Variants in SERPINI1 observed in about 807,000 individuals in gnomAD.
The protein encoded by SERPINI1 is serpin family I member 1.
A neutral mutation model predicts 41.1 loss-of-function variants in SERPINI1; 19 were observed. That is an observed-to-expected ratio of 0.46 (90% confidence interval 0.32 to 0.68). SERPINI1 has a LOEUF of 0.68. SERPINI1 is among the 30% of genes least tolerant of loss of function. The probability of loss-of-function intolerance (pLI) is 0.03; values close to 1 mark genes in which losing one functional copy is unlikely to be tolerated. For synonymous variants in SERPINI1, 138 were observed against 156.6 expected, an observed-to-expected ratio of 0.88 and a Z score of 0.89; for missense variants, 460 against 479.2, an observed-to-expected ratio of 0.96 and a Z score of 0.37.
chr3:167,760,726 GTCCTT>G (rs1726350385), intron 1 of SERPINI1, among the ~76,000 whole-genome samples: 1 of 152,078 alleles, frequency 6.6e-6, no homozygotes, highest in South Asian at 2.1e-4. Context: ...ACCTGAACTT[GTCCTT>G]TCCTTCATTG....
chr3:167,768,588 T>C (rs571003206), intron 1 of SERPINI1, among the ~76,000 whole-genome samples: 64 of 152,226 alleles, frequency 4.2e-4, no homozygotes, highest in Non-Finnish European at 7.9e-4. Context: ...ACTATAGCAA[T>C]ATAGCTAGCT....
chr3:167,762,724 C>A (rs1042610318), intron 1 of SERPINI1, among the ~76,000 whole-genome samples: 1 of 152,060 alleles, frequency 6.6e-6, no homozygotes. Flanking sequence ...TTTAAAATTG[C>A]GATACTCCCT....
chr3:167,794,913 C>T (rs886354133), intron 5 of SERPINI1, 89 bp downstream of exon 5: 29 of 970,366 alleles, frequency 3.0e-5, no homozygotes, highest in African/African-American at 6.4e-5. Context: ...GAACTGCTTT[C>T]GAATTATAAT....
At chr3:167,737,603 A>G (rs184673046) in intron 1 of SERPINI1, among the ~76,000 whole-genome samples, 83 of 152,222 alleles carry the variant, frequency 5.5e-4, no homozygotes, top group African/African-American at 1.9e-3. Context: ...CTACTAATTC[A>G]TTTTGTAAAA....
chr3:167,752,208 C>T (rs762700657), intron 1 of SERPINI1, among the ~76,000 whole-genome samples: 16 of 152,154 alleles, frequency 1.1e-4, no homozygotes, highest in Non-Finnish European at 1.8e-4. Context: ...TCCAAATGTG[C>T]TCATAACTCC....
intron 6 of SERPINI1, among the ~76,000 whole-genome samples, chr3:167,817,276 G>A (rs1449066089): frequency 1.3e-5 from 2 of 152,064 alleles, no homozygotes; most frequent in South Asian, 2.1e-4. Context: ...TTATCTTCAC[G>A]CTAATAGGTG....
intron 6 of SERPINI1, among the ~76,000 whole-genome samples, chr3:167,807,692 T>A (rs1711697120): frequency 6.6e-6 from 1 of 152,000 alleles, no homozygotes; most frequent in Non-Finnish European, 1.5e-5. Context: ...TTGTAGTAAA[T>A]CATGTAAGAA....
At chr3:167,739,734 C>CA (rs959140989) in intron 1 of SERPINI1, among the ~76,000 whole-genome samples, 102 of 146,418 alleles carry the variant, frequency 7.0e-4, no homozygotes, top group East Asian at 3.9e-3. Context: ...TTATTTCTTC[C>CA]AAAAAAAAAA....
At chr3:167,807,428 T>C (rs371916299) in intron 6 of SERPINI1, 87 bp downstream of exon 6, 224 of 888,982 alleles carry the variant, frequency 2.5e-4, no homozygotes, top group East Asian at 1.2e-3. Context: ...TACTATGGAG[T>C]TCTGGGGTAA....
At chr3:167,824,239 T>C (rs1712441514) in intron 7 of SERPINI1, among the ~76,000 whole-genome samples, 1 of 119,246 alleles carries the variant, frequency 8.4e-6, no homozygotes, top group Non-Finnish European at 1.8e-5. Context: ...AAGGAAGAAA[T>C]TGTTTGTTTG....
intron 1 of SERPINI1, among the ~76,000 whole-genome samples, chr3:167,778,718 A>G (rs1341495952): frequency 6.6e-6 from 1 of 152,242 alleles, no homozygotes; most frequent in Non-Finnish European, 1.5e-5. Context: ...AGCAAGCTAG[A>G]GAACAATGGC....
intron 6 of SERPINI1, among the ~76,000 whole-genome samples, chr3:167,812,379 T>C (rs935844723): frequency 2.6e-5 from 4 of 152,178 alleles, no homozygotes; most frequent in African/African-American, 9.7e-5. Context: ...ATACTCACTC[T>C]GTGTCTCACC....
In SERPINI1 at chr3:167,824,536, T is replaced by C; in HGVS notation, c.1130T>C (p.Phe377Ser). The change falls in exon 8 of 9, where the codon TTC (phenylalanine) becomes TCC (serine). Residue 377 changes from phenylalanine (F) to serine (S), a missense_variant. Physicochemically the swap from Phe to Ser is radical, Grantham distance 155. Transcript: ENST00000446050. ...YPQVIVDHPF[F>S]FLIRNRRTGT... Reference sequence around the variant, plus strand: ...CAAGTTATTGTCGACCATCCATTTTTCTTTCTTATCAGAAACAGGAGAACT... The same window carrying C: ...CAAGTTATTGTCGACCATCCATTTTCCTTTCTTATCAGAAACAGGAGAACT... The C allele has an allele frequency of 1.2e-6, 2 of 1,613,490 alleles. No homozygotes were observed. The highest frequency in any genetic ancestry group is 1.7e-6 in the Non-Finnish European group (2 of 1,179,570).
chr3:167,777,803 C>T (rs925620339), intron 1 of SERPINI1, among the ~76,000 whole-genome samples: 5 of 152,224 alleles, frequency 3.3e-5, no homozygotes, highest in African/African-American at 7.2e-5. Flanking sequence ...CAAAAGTTTA[C>T]GTGTTGGAAA....
At chr3:167,755,475 A>G (rs1281852688) in intron 1 of SERPINI1, among the ~76,000 whole-genome samples, 1 of 152,226 alleles carries the variant, frequency 6.6e-6, no homozygotes, top group Non-Finnish European at 1.5e-5. Flanking sequence ...AAAAGGGCCC[A>G]TTAAGATAGA....
At chr3:167,749,187 C>G (rs910058932) in intron 1 of SERPINI1, among the ~76,000 whole-genome samples, 8 of 152,124 alleles carry the variant, frequency 5.3e-5, no homozygotes, top group African/African-American at 1.9e-4. Context: ...AATACTGAAT[C>G]TCATTTCCTC....
rs565314454 is a variant in SERPINI1, at chr3:167,741,531, C to A, written c.-19+5708C>A. 4.6e-4 allele frequency among the ~76,000 whole-genome samples: 70 copies of A among 152,296 alleles called. 1 individual carries two copies. In the South Asian group the frequency reaches 0.011, roughly 23 times the overall value. On this transcript the variant is annotated intron_variant, in intron 1 of 8. Coordinates refer to ENST00000446050, the MANE Select transcript of SERPINI1 (RefSeq NM_001122752.2). ...AACCTAGATTTTGTTGCTTTGAGGTCTTTTAACCAGCTCTAACTTGAAGAG... is the reference window on the plus strand; with the variant it reads ...AACCTAGATTTTGTTGCTTTGAGGTATTTTAACCAGCTCTAACTTGAAGAG...
intron 5 of SERPINI1, 91 bp from the exon 6 acceptor site, chr3:167,807,153 G>A (rs1711677114): frequency 1.1e-6 from 1 of 903,366 alleles, no homozygotes; most frequent in Non-Finnish European, 1.9e-6. Context: ...CCATAAAGCA[G>A]ACTTTAAATA....
intron 1 of SERPINI1, chr3:167,736,077 G>C (rs1049873953): frequency 1.3e-5 from 2 of 152,218 alleles, no homozygotes; most frequent in African/African-American, 4.8e-5. Flanking sequence ...GAGATCTGAA[G>C]ATTGAGAAAA....
Sources: gnomAD v4.1 joint callset for allele counts (sites outside exome capture counted in the v4.1 genomes callset) on GRCh38, gnomAD v4.1.1 for gene constraint, MANE v1.5 for transcripts, NCBI Gene and HGNC (gene_info 2026-07-23, HGNC 2026-07-21) for gene names.